The following TMIGD3 variants were observed in gnomAD, a reference collection of about 807,000 sequenced individuals.
The protein encoded by TMIGD3 is transmembrane and immunoglobulin domain containing 3.
A neutral mutation model predicts 28.1 loss-of-function variants in TMIGD3; 21 were observed. That is an observed-to-expected ratio of 0.75 (90% confidence interval 0.53 to 1.08). The LOEUF is 1.08. Ranked by LOEUF, TMIGD3 falls within the 50% of genes least tolerant of loss-of-function variation. TMIGD3 has a pLI of 0.00. For missense variants in TMIGD3, 416 were observed against 435.6 expected, an observed-to-expected ratio of 0.96 and a Z score of 0.40; for synonymous variants, 151 against 162.1, an observed-to-expected ratio of 0.93 and a Z score of 0.52.
chr1:111,543,852 G>C (rs1656938263), intron 1 of TMIGD3, among the ~76,000 whole-genome samples: 1 of 152,222 alleles, frequency 6.6e-6, no homozygotes, highest in Non-Finnish European at 1.5e-5. Context: ...AGTTGGTAAG[G>C]GTTTATTTTA....
chr1:111,534,395 G>A (rs1047438311), intron 1 of TMIGD3, among the ~76,000 whole-genome samples: 173 of 152,332 alleles, frequency 1.1e-3, no homozygotes, highest in African/African-American at 3.8e-3. Context: ...ATGTCAGGGA[G>A]AGGAGAGGTC....
intron 1 of TMIGD3, among the ~76,000 whole-genome samples, chr1:111,511,464 C>T (rs1428712737): frequency 6.6e-6 from 1 of 152,146 alleles, no homozygotes; most frequent in African/African-American, 2.4e-5. Context: ...TGGAAGACCT[C>T]TTCCTCAACA....
chr1:111,502,726 C>G (rs993584336), intron 1 of TMIGD3, among the ~76,000 whole-genome samples: 1 of 151,634 alleles, frequency 6.6e-6, no homozygotes, highest in Non-Finnish European at 1.5e-5. Flanking sequence ...AAGATTTCAT[C>G]ATTTTTAGCC....
chr1:111,549,522 C>A (rs1312475441), intron 1 of TMIGD3, among the ~76,000 whole-genome samples: 1 of 151,544 alleles, frequency 6.6e-6, no homozygotes. Context: ...TGGTGGCATG[C>A]GCCTGTAGTC....
In TMIGD3 at chr1:111,509,198, G is replaced by A. The variant is rs1214331485; in HGVS notation, c.108-18436C>T. On this transcript the variant is annotated intron_variant, in intron 1 of 5. Coordinates refer to the TMIGD3 transcript ENST00000369717. ...GACCAGGAGGGATTTGCCAGTAGGG[G>A]GTTGCAGTGGAATTTTTAGCCACCT... Among the ~76,000 whole-genome samples the A allele has an allele frequency of 2.0e-5, 3 of 152,292 alleles. No individual in the cohort carries two copies. In the East Asian group the frequency reaches 5.8e-4, roughly 29 times the overall value.
At chr1:111,491,274 G>A (rs991788068) in intron 1 of TMIGD3, among the ~76,000 whole-genome samples, 9 of 152,380 alleles carry the variant, frequency 5.9e-5, no homozygotes, top group Middle Eastern at 3.4e-3. Flanking sequence ...CCTGGAACAC[G>A]TGAGCAGGTG....
At chr1:111,485,459 G>C (rs1193114529) in intron 5 of TMIGD3, 1 of 341,400 alleles carries the variant, frequency 2.9e-6, no homozygotes, top group Non-Finnish European at 5.4e-6. Context: ...GAGGTAGGTG[G>C]CTCTGCAGAT....
chr1:111,558,125 G>A (rs1039288535), intron 1 of TMIGD3, among the ~76,000 whole-genome samples: 2 of 152,070 alleles, frequency 1.3e-5, no homozygotes, highest in Non-Finnish European at 2.9e-5. Flanking sequence ...AAATATAACA[G>A]TAATTACAAT....
chr1:111,546,965 A>G (rs1657056408), intron 1 of TMIGD3, among the ~76,000 whole-genome samples: 1 of 152,142 alleles, frequency 6.6e-6, no homozygotes, highest in Admixed American at 6.5e-5. Context: ...TTGGTTTTTA[A>G]TAATAGCCAT....
intron 1 of TMIGD3, among the ~76,000 whole-genome samples, chr1:111,555,312 G>A (rs1158745030): frequency 7.9e-6 from 1 of 126,088 alleles, no homozygotes; most frequent in Non-Finnish European, 1.6e-5. Flanking sequence ...GTTGCAGTGA[G>A]CCAAGATTGT....
At chr1:111,502,854 C>T in intron 1 of TMIGD3, 151 bp downstream of exon 1, 2 of 991,500 alleles carry the variant, frequency 2.0e-6, no homozygotes, top group Middle Eastern at 3.3e-4. Context: ...CTAACCCCCT[C>T]ACAGACCATA....
intron 1 of TMIGD3, chr1:111,499,874 C>T: frequency 1.3e-5 from 21 of 1,559,060 alleles, no homozygotes; most frequent in Non-Finnish European, 1.8e-5. Flanking sequence ...TCCCTTGGCC[C>T]AGGCATACAG....
upstream of TMIGD3, among the ~76,000 whole-genome samples, chr1:111,505,773 A>G (rs935307250): frequency 3.9e-5 from 6 of 152,134 alleles, no homozygotes; most frequent in African/African-American, 9.7e-5. Context: ...CAACCAGAGG[A>G]ACCACGCCAG....
intron 1 of TMIGD3, among the ~76,000 whole-genome samples, chr1:111,538,556 C>T (rs1214392821): frequency 1.3e-5 from 2 of 152,188 alleles, no homozygotes; most frequent in East Asian, 1.9e-4. Context: ...GTCCTAAATG[C>T]ATTTGTTTAC....
At chr1:111,533,535 C>A (rs1656523300) in intron 1 of TMIGD3, among the ~76,000 whole-genome samples, 1 of 152,136 alleles carries the variant, frequency 6.6e-6, no homozygotes, top group Non-Finnish European at 1.5e-5. Context: ...TCTGTACTTA[C>A]ACATTACTTA....
intron 3 of TMIGD3, among the ~76,000 whole-genome samples, chr1:111,488,333 CACAG>C (rs1241477781): frequency 3.9e-5 from 6 of 152,058 alleles, no homozygotes; most frequent in Admixed American, 3.3e-4. Flanking sequence ...GCGATTCTCA[CACAG>C]ACATTTAATA....
intron 1 of TMIGD3, among the ~76,000 whole-genome samples, chr1:111,518,902 C>G (rs572436204): frequency 6.6e-6 from 1 of 152,270 alleles, no homozygotes; most frequent in Non-Finnish European, 1.5e-5. Flanking sequence ...CCTTCCCCAA[C>G]TAGGAATATT....
chr1:111,509,373 C>T (rs963333511), intron 1 of TMIGD3, among the ~76,000 whole-genome samples: 14 of 152,232 alleles, frequency 9.2e-5, no homozygotes, highest in Non-Finnish European at 2.9e-5. Context: ...GCCACCCAGC[C>T]TCCTCTTTAT....
chr1:111,558,920 A>C (rs1657622853), intron 1 of TMIGD3, among the ~76,000 whole-genome samples: 1 of 152,210 alleles, frequency 6.6e-6, no homozygotes, highest in Non-Finnish European at 1.5e-5. Context: ...AAAACGTAGT[A>C]ACAAGTGAAA....
Sources: gnomAD v4.1 joint callset for allele counts (sites outside exome capture counted in the v4.1 genomes callset) on GRCh38, gnomAD v4.1.1 for gene constraint, MANE v1.5 for transcripts, NCBI Gene and HGNC (gene_info 2026-07-23, HGNC 2026-07-21) for gene names.